RBMS1: variants seen among roughly 807,000 people sequenced by gnomAD.
The protein encoded by RBMS1 is RNA binding motif single stranded interacting protein 1, also known as RNA-binding motif, single-stranded-interacting protein 1.
RBMS1 carries 17 observed loss-of-function variants against 62.3 expected under a neutral mutation model. That is an observed-to-expected ratio of 0.27 (90% CI 0.19 to 0.41). The LOEUF (loss-of-function observed/expected upper bound fraction) is 0.41, where lower values mean the gene tolerates loss of function less well. RBMS1 is among the 10% of genes least tolerant of loss of function. The pLI is 1.00. For missense variants in RBMS1, 334 were observed against 504.5 expected, an observed-to-expected ratio of 0.66 and a Z score of 3.24; for synonymous variants, 172 against 170.0, an observed-to-expected ratio of 1.01 and a Z score of -0.09.
At chr2:160,370,124 GGTTCCT>G (rs764623966) in intron 1 of RBMS1, among the ~76,000 whole-genome samples, 26 of 152,084 alleles carry the variant, frequency 1.7e-4, no homozygotes, top group Non-Finnish European at 3.7e-4. Flanking sequence ...GGCAGAAGAG[GGTTCCT>G]AAATGTACCC....
At chr2:160,383,720 G>C (rs1694413112) in intron 1 of RBMS1, among the ~76,000 whole-genome samples, 1 of 152,134 alleles carries the variant, frequency 6.6e-6, no homozygotes, top group Admixed American at 6.5e-5. Context: ...TGGTGGTATA[G>C]CGAGCTATGT....
At chr2:160,394,972 T>C (rs571228662) in intron 1 of RBMS1, among the ~76,000 whole-genome samples, 10 of 152,368 alleles carry the variant, frequency 6.6e-5, no homozygotes, top group African/African-American at 2.2e-4. Context: ...TAATCTCTAA[T>C]GTCCTTTCCA....
chr2:160,419,428 A>T (rs1696328337), intron 1 of RBMS1, among the ~76,000 whole-genome samples: 6 of 152,280 alleles, frequency 3.9e-5, no homozygotes, highest in South Asian at 2.1e-4. Context: ...CTTTAAAAAA[A>T]TTTTGTTTTA....
intron 4 of RBMS1, among the ~76,000 whole-genome samples, chr2:160,303,949 C>T (rs375626462): frequency 1.3e-5 from 2 of 152,060 alleles, no homozygotes; most frequent in South Asian, 4.1e-4. Flanking sequence ...CCTAAATTTC[C>T]GTCCTCTGCT....
chr2:160,400,486 C>T (rs1047108261), intron 1 of RBMS1, among the ~76,000 whole-genome samples: 1 of 151,808 alleles, frequency 6.6e-6, no homozygotes, highest in African/African-American at 2.4e-5. Context: ...CTTGGCTTGT[C>T]ACATTTAATA....
intron 2 of RBMS1, among the ~76,000 whole-genome samples, chr2:160,336,240 T>C (rs1458700873): frequency 6.6e-6 from 1 of 152,090 alleles, no homozygotes; most frequent in Non-Finnish European, 1.5e-5. Flanking sequence ...CTAAGTCATT[T>C]CTCCTAAGAA....
At chr2:160,387,393 C>G (rs566483860) in intron 1 of RBMS1, among the ~76,000 whole-genome samples, 1 of 151,688 alleles carries the variant, frequency 6.6e-6, no homozygotes, top group Admixed American at 6.6e-5. Context: ...CTTTTAATCA[C>G]TAAATGTTTT....
intron 2 of RBMS1, among the ~76,000 whole-genome samples, chr2:160,340,508 C>A (rs1051506298): frequency 7.9e-5 from 12 of 151,934 alleles, no homozygotes; most frequent in Admixed American, 3.3e-4. Context: ...GGAACAGAGA[C>A]CCTAAGGAAA....
At chr2:160,309,909 C>T (rs1248589194) in intron 4 of RBMS1, among the ~76,000 whole-genome samples, 1 of 152,092 alleles carries the variant, frequency 6.6e-6, no homozygotes, top group Non-Finnish European at 1.5e-5. Flanking sequence ...CAGACCTAAT[C>T]CAGGGAAGGG....
chr2:160,279,154 A>G (rs968459018), intron 10 of RBMS1: 12 of 152,484 alleles, frequency 7.9e-5, no homozygotes, highest in African/African-American at 2.9e-4. Context: ...TATCCAGATA[A>G]TCGTCTGGTT....
At chr2:160,284,476 G>A (rs1408009496) in intron 9 of RBMS1, 1 of 377,228 alleles carries the variant, frequency 2.7e-6, no homozygotes, top group East Asian at 5.8e-5. Context: ...TCAATTTTTG[G>A]GACACATGGT....
intron 1 of RBMS1, among the ~76,000 whole-genome samples, chr2:160,396,977 T>G (rs1455011805): frequency 6.6e-6 from 1 of 152,158 alleles, no homozygotes; most frequent in Non-Finnish European, 1.5e-5. Flanking sequence ...TACCAAAAGC[T>G]CATTGTCTTT....
At position 160,442,618 on chromosome 2, in the gene RBMS1, T is replaced by A. The variant is rs143430967; in HGVS notation, c.75+50671A>T. 1.2e-4 allele frequency among the ~76,000 whole-genome samples: 18 copies of A among 152,370 alleles called. No individual in the cohort carries two copies. The East Asian group carries it at 3.5e-3, about 29-fold the overall frequency. On this transcript the variant is annotated intron_variant, in intron 1 of 13. Transcript: ENST00000348849. ...CGTTATATAAATATTTCACTTTGAT[T>A]TTTTTAAAGCAGGAGCTCAGATATA...
At chr2:160,424,775 A>G (rs1696577321) in intron 1 of RBMS1, among the ~76,000 whole-genome samples, 1 of 152,232 alleles carries the variant, frequency 6.6e-6, no homozygotes, top group South Asian at 2.1e-4. Flanking sequence ...ATAACCTTTC[A>G]TGTTAAAAAA....
chr2:160,484,456 C>T (rs932681419), intron 1 of RBMS1, among the ~76,000 whole-genome samples: 11 of 150,956 alleles, frequency 7.3e-5, no homozygotes, highest in Non-Finnish European at 1.3e-4. Context: ...GATCGCGCCA[C>T]TGCACTCCAG....
intron 4 of RBMS1, 118 bp downstream of exon 4, chr2:160,313,038 A>T (rs1690015573): frequency 2.3e-6 from 2 of 870,526 alleles, no homozygotes; most frequent in African/African-American, 3.4e-5. Flanking sequence ...AGTGTCCAGA[A>T]GGCGCTGTGC....
chr2:160,437,941 G>C (rs529883821), intron 1 of RBMS1, among the ~76,000 whole-genome samples: 10 of 107,458 alleles, frequency 9.3e-5, no homozygotes, highest in African/African-American at 3.4e-4. Flanking sequence ...CTCTTAAAAG[G>C]CAGGAGAATC....
intron 1 of RBMS1, among the ~76,000 whole-genome samples, chr2:160,477,174 C>T (rs1451140110): frequency 2.0e-5 from 3 of 152,116 alleles, no homozygotes; most frequent in Non-Finnish European, 4.4e-5. Context: ...GAGTGACAAA[C>T]AACCAACACA....
At chr2:160,336,589 T>TA (rs978250773) in intron 2 of RBMS1, among the ~76,000 whole-genome samples, 2 of 152,086 alleles carry the variant, frequency 1.3e-5, no homozygotes, top group Admixed American at 6.6e-5. Context: ...GCAACCACAT[T>TA]AAAAAAACAG....
Sources: gnomAD v4.1 joint callset for allele counts (sites outside exome capture counted in the v4.1 genomes callset) on GRCh38, gnomAD v4.1.1 for gene constraint, MANE v1.5 for transcripts, NCBI Gene and HGNC (gene_info 2026-07-23, HGNC 2026-07-21) for gene names.